The following PLAAT5 variants were observed in gnomAD, a reference collection of about 807,000 sequenced individuals.
PLAAT5 encodes the protein phospholipase A and acyltransferase 5.
A neutral mutation model predicts 27.8 loss-of-function variants in PLAAT5; 27 were observed. The ratio of observed to expected loss-of-function variants is 0.97; its 90% CI spans 0.72 to 1.34. PLAAT5 has a LOEUF of 1.34. PLAAT5 is among the 40% of genes most tolerant of loss of function. PLAAT5 has a pLI of 0.00. For missense variants in PLAAT5, 368 were observed against 343.8 expected, an observed-to-expected ratio of 1.07 and a Z score of -0.56; for synonymous variants, 125 against 136.1, an observed-to-expected ratio of 0.92 and a Z score of 0.57.
chr11:63,464,561 C>A (rs1010567914), intron 5 of PLAAT5, among the ~76,000 whole-genome samples: 33 of 152,136 alleles, frequency 2.2e-4, no homozygotes, highest in African/African-American at 7.7e-4. Context: ...GAGGCTGAAG[C>A]AGGAGAACCG....
chr11:63,490,380 C>T (rs2016534584), intron 1 of PLAAT5, 47 bp from the exon 2 acceptor site: 1 of 1,613,560 alleles, frequency 6.2e-7, no homozygotes, highest in Non-Finnish European at 8.5e-7. Context: ...AAGGAGAGTT[C>T]GAGCAAGCAC....
chr11:63,463,451 T>C lies in PLAAT5; in HGVS notation c.*52A>G. 2.2e-6 allele frequency: 3 copies of C among 1,366,746 alleles called. No individual in the cohort carries two copies. Among genetic ancestry groups the C allele is most frequent in the Non-Finnish European group, 3.1e-6 (3 of 958,200 alleles). 84.7% of individuals were successfully genotyped at this position (1,366,746 alleles called of 1,614,324 possible). ...AGAGAAGGCAAGGGAAGGAAGCATG[T>C]TCTTTTTGCTTGTGTCAGTAACTCT... On this transcript the variant is annotated 3_prime_UTR_variant, in exon 6 of 6. Transcript: ENST00000540857.
intron 5 of PLAAT5, among the ~76,000 whole-genome samples, chr11:63,464,964 C>A (rs563275946): frequency 6.6e-6 from 1 of 152,154 alleles, no homozygotes; most frequent in Non-Finnish European, 1.5e-5. Context: ...AGCCCAGTGG[C>A]CTGATCAATT....
rs528552102 is a variant in PLAAT5, at chr11:63,489,735, C to G, written c.239+508G>C. ...GCACATGTAAACATCTGGTATACCA[C>G]CAACTCAGAAATGACTTTTTCTTTA... On this transcript the variant is annotated intron_variant, in intron 2 of 5. Coordinates refer to ENST00000540857, the MANE Select transcript of PLAAT5 (RefSeq NM_001146729.2). Among the ~76,000 whole-genome samples, 46 of 152,296 alleles carry G rather than the reference C, an allele frequency of 3.0e-4. No homozygotes were observed. The South Asian group carries it at 3.9e-3, about 13-fold the overall frequency.
chr11:63,463,379 T>C lies in PLAAT5; in HGVS notation c.*124A>G. Reference sequence around the variant, plus strand: ...ATTTCTGGAAGGGTAATTGGATACATTGTAGATTCTTCCAGAAGTTCACAA... The same window carrying C: ...ATTTCTGGAAGGGTAATTGGATACACTGTAGATTCTTCCAGAAGTTCACAA... On this transcript the variant is annotated 3_prime_UTR_variant, in exon 6 of 6. Coordinates refer to ENST00000540857, the MANE Select transcript of PLAAT5 (RefSeq NM_001146729.2). 1.3e-6 allele frequency: 1 copy of C among 743,856 alleles called. No individual in the cohort carries two copies. The highest frequency in any genetic ancestry group is 2.4e-6 in the Non-Finnish European group (1 of 416,498). The allele number at this position is 743,856 out of a possible 1,614,324, so 46.1% of individuals were successfully genotyped here. A position where few individuals can be genotyped will look rare whatever the true frequency, so the allele number is the denominator to read the frequency against.
At chr11:63,474,590 A>AT (rs1381321961) in intron 3 of PLAAT5, among the ~76,000 whole-genome samples, 3 of 151,494 alleles carry the variant, frequency 2.0e-5, no homozygotes, top group Non-Finnish European at 4.4e-5. Context: ...AAGTTTGTCT[A>AT]TTTTACCTTT....
rs1406119830 is a variant in PLAAT5, at chr11:63,463,313, T to A, written c.*190A>T. Reference sequence around the variant, plus strand: ...CACACTAGATACCAGATCCTTCCCATCCTGAGAGTCTGTGGGTCTATGCTC... The same window carrying A: ...CACACTAGATACCAGATCCTTCCCAACCTGAGAGTCTGTGGGTCTATGCTC... On this transcript the variant is annotated 3_prime_UTR_variant, in exon 6 of 6. Coordinates refer to ENST00000540857, the MANE Select transcript of PLAAT5 (RefSeq NM_001146729.2). 6 of 615,400 alleles carry A rather than the reference T, an allele frequency of 9.7e-6. No homozygotes were observed. The highest frequency in any genetic ancestry group is 1.8e-5 in the Non-Finnish European group (6 of 341,644). The allele number at this position is 615,400 out of a possible 1,614,324, so 38.1% of individuals were successfully genotyped here.
At chr11:63,483,786 T>A (rs12271273) in intron 3 of PLAAT5, among the ~76,000 whole-genome samples, 1,582 of 52,192 alleles carry the variant, frequency 0.03, 23 homozygotes, top group African/African-American at 0.091. Context: ...AAAAAAAAAA[T>A]ATATATATAT....
In PLAAT5 at chr11:63,468,409, C is replaced by G. The variant is rs769973844; in HGVS notation, c.402G>C (p.Glu134Asp). The G allele has an allele frequency of 5.0e-6, 8 of 1,614,052 alleles. No individual in the cohort carries two copies. In the South Asian group the frequency reaches 8.8e-5, roughly 18 times the overall value. ...CATCTTCTACATAGATGGCCCAGTG[C>G]TCATAGCCAATTCGAAAAATCTCAA... is the stretch of plus-strand genomic sequence containing the variant. The part of the protein sequence containing the change: ...DLIEIFRIGY[E>D]HWAIYVEDDC... Residue 134 changes from glutamate (E) to aspartate (D), a missense_variant, in exon 4 of 6, where the codon GAG (glutamate) becomes GAC (aspartate). Physicochemically the swap from Glu to Asp is conservative, Grantham distance 45 (BLOSUM62 2). Coordinates refer to ENST00000540857, the MANE Select transcript of PLAAT5 (RefSeq NM_001146729.2).
chr11:63,484,757 C>A (rs943312665), intron 3 of PLAAT5, among the ~76,000 whole-genome samples: 2 of 152,138 alleles, frequency 1.3e-5, no homozygotes, highest in African/African-American at 4.8e-5. Flanking sequence ...CCACTTTCAC[C>A]ACATTTATTC....
intron 5 of PLAAT5, 56 bp downstream of exon 5, chr11:63,466,054 G>T: frequency 1.3e-6 from 2 of 1,563,310 alleles, no homozygotes; most frequent in South Asian, 1.2e-5. Context: ...CTAATGAAAT[G>T]ACAAACCCCA....
At chr11:63,465,132 G>A (rs1056214178) in intron 5 of PLAAT5, among the ~76,000 whole-genome samples, 4 of 152,058 alleles carry the variant, frequency 2.6e-5, no homozygotes, top group Non-Finnish European at 5.9e-5. Context: ...ACAAAAATTA[G>A]CCAGACGTGG....
intron 5 of PLAAT5, among the ~76,000 whole-genome samples, chr11:63,464,526 T>A (rs1004482220): frequency 9.2e-5 from 14 of 151,796 alleles, no homozygotes; most frequent in Non-Finnish European, 2.1e-4. Flanking sequence ...CATGGTGGCG[T>A]GCACCTGGAG....
Position 63,463,557 on chromosome 11 carries a change from T to C in PLAAT5, c.756A>G (p.Gly252=). Reference sequence around the variant, plus strand: ...TATCCACTACAGCTGAAATAACTGCTCCAGCAGCCTTCGCTCCTTCCATCA... The same window carrying C: ...TATCCACTACAGCTGAAATAACTGCCCCAGCAGCCTTCGCTCCTTCCATCA... The part of the protein sequence containing the change: ...HALMEGAKAA[G]AVISAVVDSI... Residue 252 remains glycine, a synonymous_variant, in exon 6 of 6, where the codon GGA becomes GGG. Coordinates refer to ENST00000540857, the MANE Select transcript of PLAAT5 (RefSeq NM_001146729.2). 6.2e-7 allele frequency: 1 copy of C among 1,613,896 alleles called. No homozygotes were observed. Among genetic ancestry groups the C allele is most frequent in the South Asian group, 1.1e-5 (1 of 91,082 alleles).
intron 3 of PLAAT5, among the ~76,000 whole-genome samples, chr11:63,486,766 T>G (rs2016445201): frequency 6.6e-6 from 1 of 152,012 alleles, no homozygotes; most frequent in Non-Finnish European, 1.5e-5. Context: ...CGAAGGAACT[T>G]TTGCATGCAA....
At chr11:63,488,524 C>A (rs989553644) in intron 3 of PLAAT5, among the ~76,000 whole-genome samples, 46 of 152,164 alleles carry the variant, frequency 3.0e-4, no homozygotes, top group African/African-American at 1.1e-3. Flanking sequence ...CAAAGCATAA[C>A]CAACATCCCA....
chr11:63,472,328 G>A (rs74430559), intron 3 of PLAAT5, among the ~76,000 whole-genome samples: 8,641 of 152,198 alleles, frequency 0.057, 662 homozygotes, highest in African/African-American at 0.17. Context: ...CATGAGCAGC[G>A]TAATGCTGCT....
intron 2 of PLAAT5, among the ~76,000 whole-genome samples, chr11:63,489,428 C>T (rs757009704): frequency 2.6e-5 from 4 of 152,180 alleles, no homozygotes; most frequent in Non-Finnish European, 5.9e-5. Context: ...AACACTGCAA[C>T]TGCAAGTAAT....
At position 63,491,156 on chromosome 11, in the gene PLAAT5, G is replaced by T; in HGVS notation, c.-122C>A. 1 of 859,638 alleles carries T rather than the reference G, an allele frequency of 1.2e-6. No individual in the cohort carries two copies. Among genetic ancestry groups the T allele is most frequent in the Non-Finnish European group, 1.6e-6 (1 of 622,840 alleles). The allele number at this position is 859,638 out of a possible 1,614,324, so 53.3% of individuals were successfully genotyped here. A position where few individuals can be genotyped will look rare whatever the true frequency, so the allele number is the denominator to read the frequency against. ...AAGCTTGGGCACTGGGGGCGGCTCG[G>T]GGAGGAACCGCGGAGGGGAAAGCGC... On this transcript the variant is annotated 5_prime_UTR_variant, in exon 1 of 6. Coordinates refer to ENST00000540857, the MANE Select transcript of PLAAT5 (RefSeq NM_001146729.2).
Sources: gnomAD v4.1 joint callset for allele counts (sites outside exome capture counted in the v4.1 genomes callset) on GRCh38, gnomAD v4.1.1 for gene constraint, MANE v1.5 for transcripts, NCBI Gene and HGNC (gene_info 2026-07-23, HGNC 2026-07-21) for gene names.